Variants in UMAD1 observed in about 807,000 individuals in gnomAD.
UMAD1 encodes UBAP1-MVB12-associated (UMA) domain containing 1, also known as UBAP1-MVB12-associated (UMA)-domain containing protein 1.
In UMAD1, 8 loss-of-function variants were observed where a neutral mutation model predicts 6.1. That is an observed-to-expected ratio of 1.30 (90% CI 0.76 to 2.35). The LOEUF is 2.35. Among genes scored for constraint, UMAD1 ranks in the 30% most tolerant of loss-of-function variants. UMAD1 has a pLI of 0.00. For missense variants in UMAD1, 130 were observed against 78.4 expected (o/e 1.66, Z -2.49); for synonymous variants, 56 against 31.4 (o/e 1.78, Z -2.61).
chr7:7,789,939 C>G (rs1451234251), intron 2 of UMAD1, among the ~76,000 whole-genome samples: 1 of 152,124 alleles, frequency 6.6e-6, no homozygotes, highest in Non-Finnish European at 1.5e-5. Flanking sequence ...TTCTTTGAGA[C>G]TCTGCTTTCG....
rs143647287 is a variant in UMAD1 at position 7,686,576 on chromosome 7, T to C, written c.82+13123T>C. 4.9e-3 allele frequency among the ~76,000 whole-genome samples: 751 copies of C among 152,292 alleles called. 7 individuals are homozygous for C. The highest frequency in any genetic ancestry group is 0.017 in the African/African-American group (718 of 41,556). On this transcript the variant is annotated intron_variant, in intron 2 of 3. Transcript: ENST00000682710. ...GGCATGCACGTATACTCATACGAGG[T>C]TGACAGAGTAAGTCAGAGAAACCAC... is the stretch of plus-strand genomic sequence containing the variant.
chr7:7,755,970 C>A (rs1781767831), intron 2 of UMAD1, among the ~76,000 whole-genome samples: 1 of 152,110 alleles, frequency 6.6e-6, no homozygotes, highest in East Asian at 1.9e-4. Flanking sequence ...AAATGTTTTA[C>A]ATGAACAAAT....
intron 1 of UMAD1, among the ~76,000 whole-genome samples, chr7:7,668,915 C>T (rs1403577648): frequency 2.0e-5 from 3 of 152,104 alleles, no homozygotes; most frequent in Non-Finnish European, 4.4e-5. Context: ...ACTCACACAC[C>T]CACCCACACT....
At chr7:7,783,551 T>G (rs1202865677) in intron 2 of UMAD1, among the ~76,000 whole-genome samples, 1 of 152,168 alleles carries the variant, frequency 6.6e-6, no homozygotes, top group Non-Finnish European at 1.5e-5. Flanking sequence ...GAAATGAGGA[T>G]GAAGGGCACT....
intron 3 of UMAD1, among the ~76,000 whole-genome samples, chr7:7,828,232 C>T (rs535569268): frequency 7.2e-5 from 11 of 152,198 alleles, no homozygotes; most frequent in African/African-American, 2.2e-4. Flanking sequence ...GAATGAGATC[C>T]GGCATTCAGT....
intron 2 of UMAD1, chr7:7,741,838 C>A (rs1781474704): frequency 5.1e-6 from 1 of 194,950 alleles, no homozygotes. Flanking sequence ...GGCTTTAAGT[C>A]AACTTATTAA....
At chr7:7,754,183 C>T (rs374095900) in intron 2 of UMAD1, among the ~76,000 whole-genome samples, 2 of 151,930 alleles carry the variant, frequency 1.3e-5, no homozygotes, top group African/African-American at 4.8e-5. Flanking sequence ...AAGACTCCGT[C>T]TCAAAAAAGA....
intron 1 of UMAD1, among the ~76,000 whole-genome samples, chr7:7,654,228 C>G (rs1785290784): frequency 6.6e-6 from 1 of 152,184 alleles, no homozygotes; most frequent in Admixed American, 6.5e-5. Flanking sequence ...TACTTTGAGG[C>G]TCAAATTTAT....
intron 2 of UMAD1, among the ~76,000 whole-genome samples, chr7:7,751,298 G>A (rs1163351268): frequency 1.3e-5 from 2 of 152,184 alleles, no homozygotes; most frequent in Non-Finnish European, 2.9e-5. Flanking sequence ...AACTTTTAGA[G>A]TTGGTATGTT....
At chr7:7,826,482 G>A (rs957032038) in intron 3 of UMAD1, among the ~76,000 whole-genome samples, 1 of 152,062 alleles carries the variant, frequency 6.6e-6, no homozygotes, top group African/African-American at 2.4e-5. Flanking sequence ...TGTTAAACTG[G>A]TCCTGTGCGT....
intron 3 of UMAD1, among the ~76,000 whole-genome samples, chr7:7,872,623 C>T (rs978159565): frequency 3.9e-5 from 6 of 152,180 alleles, no homozygotes; most frequent in Non-Finnish European, 8.8e-5. Context: ...GGATAAATGA[C>T]TCCAGTAGAC....
At chr7:7,727,920 C>CT in intron 2 of UMAD1, among the ~76,000 whole-genome samples, 1 of 152,078 alleles carries the variant, frequency 6.6e-6, no homozygotes, top group Non-Finnish European at 1.5e-5. Context: ...CCTTAATAAA[C>CT]TTTTTTTATA....
At chr7:7,719,483 C>T (rs560634908) in intron 2 of UMAD1, among the ~76,000 whole-genome samples, 244 of 152,268 alleles carry the variant, frequency 1.6e-3, no homozygotes, top group Non-Finnish European at 2.8e-3. Flanking sequence ...CTTCAACTTG[C>T]CTCTGAGCAG....
Position 7,778,275 on chromosome 7 carries a change from T to TGAGAGAGAGAGA in UMAD1, c.83-23384_83-23373dup, listed in dbSNP as rs1554327252. Among the ~76,000 whole-genome samples the TGAGAGAGAGAGA allele has an allele frequency of 1.8e-4, 20 of 110,652 alleles. No individual in the cohort carries two copies. The East Asian group carries it at 2.6e-3, about 14-fold the overall frequency. The allele number at this position is 110,652 out of a possible 152,430, so 72.6% of individuals were successfully genotyped here. A position where few individuals can be genotyped will look rare whatever the true frequency, so the allele number is the denominator to read the frequency against. On this transcript the variant is annotated intron_variant, in intron 2 of 3. Coordinates refer to ENST00000682710, the MANE Select transcript of UMAD1 (RefSeq NM_001302348.2). ...GTGTGTGTGTGTGTGTGTGTGTGTG[T>TGAGAGAGAGAGA]GAGAGAGAGAGAGAGAGAGAGACAG...
At chr7:7,659,462 A>G (rs1785422295) in intron 1 of UMAD1, among the ~76,000 whole-genome samples, 1 of 152,150 alleles carries the variant, frequency 6.6e-6, no homozygotes, top group East Asian at 1.9e-4. Flanking sequence ...ATTTTCCTCT[A>G]AACACTGCTT....
intron 2 of UMAD1, among the ~76,000 whole-genome samples, chr7:7,758,149 G>C (rs77646816): frequency 0.061 from 9,302 of 152,148 alleles, 350 homozygotes; most frequent in Middle Eastern, 0.11. Context: ...GGCTCAAGCA[G>C]TCGTTCTGCC....
chr7:7,699,487 C>T (rs1173932256), intron 2 of UMAD1, among the ~76,000 whole-genome samples: 2 of 151,452 alleles, frequency 1.3e-5, no homozygotes, highest in African/African-American at 4.9e-5. Context: ...AAAATAGTGG[C>T]ACCAGACTGA....
At chr7:7,749,144 G>T (rs1479038986) in intron 2 of UMAD1, among the ~76,000 whole-genome samples, 2 of 152,130 alleles carry the variant, frequency 1.3e-5, no homozygotes, top group Non-Finnish European at 1.5e-5. Flanking sequence ...GGACAGGTTT[G>T]TGGGGGATTC....
chr7:7,693,863 G>A (rs972525059), intron 2 of UMAD1, among the ~76,000 whole-genome samples: 9 of 151,950 alleles, frequency 5.9e-5, no homozygotes, highest in African/African-American at 2.2e-4. Flanking sequence ...TTCCTCTGTG[G>A]TGGGTTTTTA....
Sources: gnomAD v4.1 joint callset for allele counts (sites outside exome capture counted in the v4.1 genomes callset) on GRCh38, gnomAD v4.1.1 for gene constraint, MANE v1.5 for transcripts, NCBI Gene and HGNC (gene_info 2026-07-23, HGNC 2026-07-21) for gene names.